RASGEF1C: variants seen among roughly 807,000 people sequenced by gnomAD.
RASGEF1C encodes ras-GEF domain-containing family member 1C.
In RASGEF1C, 27 loss-of-function variants were observed where a neutral mutation model predicts 58.1. The observed-to-expected ratio is 0.46, with a 90% CI of 0.34 to 0.64. RASGEF1C has a LOEUF of 0.64. RASGEF1C is among the 30% of genes least tolerant of loss of function. The pLI, the probability that RASGEF1C is intolerant of heterozygous loss-of-function variation, is 0.01. For synonymous variants in RASGEF1C, 243 were observed against 246.3 expected (o/e 0.99, Z 0.13); for missense variants, 502 against 605.1 (o/e 0.83, Z 1.79).
chr5:180,111,679 A>G lies in RASGEF1C; in HGVS notation c.1180-99T>C. The G allele has an allele frequency of 8.1e-6, 11 of 1,363,320 alleles. 1 individual carries two copies. The highest frequency in any genetic ancestry group is 1.1e-5 in the Non-Finnish European group (11 of 963,668). 84.5% of individuals were successfully genotyped at this position (1,363,320 alleles called of 1,614,324 possible). A position where few individuals can be genotyped will look rare whatever the true frequency, so the allele number is the denominator to read the frequency against. On this transcript the variant is annotated intron_variant, in intron 11 of 13. Transcript: ENST00000361132. ...CCTGGCAGAGACCCTCTCAACACCC[A>G]GTGGCTTTAGGGCTCTGAGGAGGAG...
At chr5:180,160,933 C>G (rs182611467) in intron 1 of RASGEF1C, among the ~76,000 whole-genome samples, 1 of 152,304 alleles carries the variant, frequency 6.6e-6, no homozygotes, top group Admixed American at 6.5e-5. Flanking sequence ...ATTAGGGAAA[C>G]GTGTCAGCAA....
chr5:180,120,618 T>C (rs947545489), intron 7 of RASGEF1C, among the ~76,000 whole-genome samples: 5 of 151,988 alleles, frequency 3.3e-5, no homozygotes, highest in East Asian at 1.9e-4. Flanking sequence ...GGCTGCTGAG[T>C]GTTGGTGCTT....
chr5:180,165,144 C>T (rs911639642), intron 1 of RASGEF1C, among the ~76,000 whole-genome samples: 1 of 151,926 alleles, frequency 6.6e-6, no homozygotes. Flanking sequence ...CTCTTTGAAC[C>T]TATCTATTCC....
intron 1 of RASGEF1C, among the ~76,000 whole-genome samples, chr5:180,173,440 A>G (rs1767145477): frequency 6.6e-6 from 1 of 152,178 alleles, no homozygotes; most frequent in Non-Finnish European, 1.5e-5. Context: ...CAGATCCCAC[A>G]CTGACTACAG....
intron 6 of RASGEF1C, among the ~76,000 whole-genome samples, chr5:180,127,040 T>C (rs925866128): frequency 6.6e-6 from 1 of 152,110 alleles, no homozygotes; most frequent in Non-Finnish European, 1.5e-5. Flanking sequence ...GAAGGCACAA[T>C]GTTTGCAATT....
At chr5:180,130,511 C>T (rs1022173416) in intron 4 of RASGEF1C, among the ~76,000 whole-genome samples, 10 of 152,238 alleles carry the variant, frequency 6.6e-5, no homozygotes, top group Non-Finnish European at 1.5e-4. Flanking sequence ...CGAGTGGCTA[C>T]ACCTGCTGTT....
intron 5 of RASGEF1C, among the ~76,000 whole-genome samples, chr5:180,127,910 T>G (rs556215779): frequency 1.1e-4 from 16 of 152,214 alleles, no homozygotes. Flanking sequence ...CAGGGAGCAA[T>G]GCTATGAGGC....
intron 10 of RASGEF1C, among the ~76,000 whole-genome samples, chr5:180,117,581 G>T (rs1016566838): frequency 6.6e-6 from 1 of 152,192 alleles, no homozygotes; most frequent in Non-Finnish European, 1.5e-5. Flanking sequence ...TCAAGCCAGA[G>T]GATCATTGCA....
chr5:180,181,649 A>G (rs1767328957), intron 1 of RASGEF1C, among the ~76,000 whole-genome samples: 1 of 152,210 alleles, frequency 6.6e-6, no homozygotes, highest in Admixed American at 6.5e-5. Flanking sequence ...GGGAACAGGC[A>G]GGGAAGGGTT....
At chr5:180,184,326 G>A (rs1755987742) in intron 1 of RASGEF1C, among the ~76,000 whole-genome samples, 1 of 152,188 alleles carries the variant, frequency 6.6e-6, no homozygotes, top group Admixed American at 6.5e-5. Context: ...TGTAATCCCA[G>A]CACTTTGGGA....
intron 1 of RASGEF1C, among the ~76,000 whole-genome samples, chr5:180,181,193 G>A (rs1041427654): frequency 1.3e-5 from 2 of 152,174 alleles, no homozygotes; most frequent in Non-Finnish European, 2.9e-5. Context: ...CAATCCCACC[G>A]GGATCAGGGA....
intron 1 of RASGEF1C, among the ~76,000 whole-genome samples, chr5:180,142,694 G>A (rs1229406356): frequency 6.6e-6 from 1 of 152,142 alleles, no homozygotes; most frequent in African/African-American, 2.4e-5. Flanking sequence ...GAAAACAGCA[G>A]GAGAGAAAGG....
rs1338192217 is a variant in RASGEF1C at position 180,151,950 on chromosome 5, CAA to C, written c.-6-13894_-6-13893del. ...TCTCAAAAGAAGATATTTATGCAGC[CAA>C]AAGACACATGAAAAAATGCTCATCA... On this transcript the variant is annotated intron_variant, in intron 1 of 13. Transcript: ENST00000361132. 2.0e-5 allele frequency among the ~76,000 whole-genome samples: 3 copies of C among 151,388 alleles called. No individual in the cohort carries two copies. In the East Asian group the frequency reaches 5.8e-4, roughly 29 times the overall value.
intron 1 of RASGEF1C, among the ~76,000 whole-genome samples, chr5:180,146,123 C>T (rs1005804672): frequency 6.6e-6 from 1 of 152,072 alleles, no homozygotes; most frequent in African/African-American, 2.4e-5. Context: ...AGTCACTGCC[C>T]AATCCAATAT....
intron 1 of RASGEF1C, chr5:180,138,454 G>A (rs1157880748): frequency 6.1e-6 from 1 of 162,996 alleles, no homozygotes; most frequent in Admixed American, 6.4e-5. Flanking sequence ...ATCCAAATTA[G>A]GGGGGCTCAG....
At chr5:180,178,116 A>G (rs1218683382) in intron 1 of RASGEF1C, among the ~76,000 whole-genome samples, 6 of 149,146 alleles carry the variant, frequency 4.0e-5, no homozygotes, top group African/African-American at 1.5e-4. Flanking sequence ...ACAGGCGTGC[A>G]CCACCAAGCC....
chr5:180,195,281 G>A (rs1181359277), intron 1 of RASGEF1C, among the ~76,000 whole-genome samples: 6 of 152,160 alleles, frequency 3.9e-5, no homozygotes, highest in African/African-American at 7.2e-5. Flanking sequence ...CTGCAGGGAG[G>A]TGCCCTGAGG....
intron 10 of RASGEF1C, among the ~76,000 whole-genome samples, chr5:180,116,579 G>A (rs574055488): frequency 1.3e-5 from 2 of 152,332 alleles, no homozygotes; most frequent in South Asian, 2.1e-4. Flanking sequence ...TAAGCCGCCC[G>A]CCTACAGCAC....
chr5:180,208,275 C>T (rs1756526282), intron 1 of RASGEF1C, among the ~76,000 whole-genome samples: 1 of 152,134 alleles, frequency 6.6e-6, no homozygotes, highest in Non-Finnish European at 1.5e-5. Flanking sequence ...CCCACAGCCC[C>T]AGGAGGCAGG....
Sources: gnomAD v4.1 joint callset for allele counts (sites outside exome capture counted in the v4.1 genomes callset) on GRCh38, gnomAD v4.1.1 for gene constraint, MANE v1.5 for transcripts, NCBI Gene and HGNC (gene_info 2026-07-23, HGNC 2026-07-21) for gene names.